Variants in NUDT6 observed in about 807,000 individuals in gnomAD.
NUDT6 encodes the protein FAD diphosphatase NUDT6.
Under a neutral mutation model 36.8 loss-of-function variants are expected in NUDT6, and 24 were observed. The observed-to-expected ratio is 0.65, with a 90% CI of 0.47 to 0.92. The LOEUF (loss-of-function observed/expected upper bound fraction) is 0.92. Ranked by LOEUF, NUDT6 falls within the 40% of genes least tolerant of loss-of-function variation. The pLI is 0.00. For synonymous variants in NUDT6, 163 were observed against 157.0 expected (o/e 1.04, Z -0.29); for missense variants, 388 against 392.8 (o/e 0.99, Z 0.10).
At chr4:122,894,068 C>G (rs1727274654) in intron 4 of NUDT6, 1 of 152,228 alleles carries the variant, frequency 6.6e-6, no homozygotes, top group Non-Finnish European at 1.5e-5. Flanking sequence ...AAACATGTCT[C>G]AATTCCCATG....
chr4:122,902,894 G>C (rs894346407), intron 3 of NUDT6, among the ~76,000 whole-genome samples: 1 of 152,142 alleles, frequency 6.6e-6, no homozygotes, highest in Admixed American at 6.5e-5. Context: ...AAAAACACTT[G>C]ACATTAATGC....
At chr4:122,897,566 T>C in intron 4 of NUDT6, 58 bp downstream of exon 4, 1 of 1,209,658 alleles carries the variant, frequency 8.3e-7, no homozygotes, top group Non-Finnish European at 1.2e-6. Context: ...AGCAAGAAAG[T>C]AAACACATTA....
chr4:122,909,734 A>T (rs1412605183), intron 3 of NUDT6, among the ~76,000 whole-genome samples: 2 of 152,152 alleles, frequency 1.3e-5, no homozygotes, highest in East Asian at 3.8e-4. Context: ...AGGGTTAATT[A>T]CTCAACAGTC....
chr4:122,917,834 A>T, intron 1 of NUDT6, 130 bp from the exon 2 acceptor site: 1 of 712,326 alleles, frequency 1.4e-6, no homozygotes, highest in Non-Finnish European at 2.3e-6. Flanking sequence ...TGTCTTGTTC[A>T]CATCGCTGGC....
At chr4:122,894,941 C>G (rs186613784) in intron 4 of NUDT6, 10 of 152,278 alleles carry the variant, frequency 6.6e-5, no homozygotes, top group African/African-American at 1.9e-4. Flanking sequence ...AGCTCATGAT[C>G]TATGCTGTTT....
At chr4:122,894,783 TTTA>T (rs1415098272) in intron 4 of NUDT6, 2 of 152,218 alleles carry the variant, frequency 1.3e-5, no homozygotes, top group Non-Finnish European at 2.9e-5. Context: ...TGTTATTAAA[TTTA>T]TTATTAAAGA....
intron 3 of NUDT6, among the ~76,000 whole-genome samples, chr4:122,900,817 T>C (rs569220164): frequency 6.6e-6 from 1 of 152,218 alleles, no homozygotes; most frequent in Non-Finnish European, 1.5e-5. Context: ...GTGCCAAATG[T>C]CTTTGTATCT....
intron 1 of NUDT6, chr4:122,919,020 C>T (rs986323781): frequency 5.9e-5 from 9 of 152,190 alleles, no homozygotes; most frequent in African/African-American, 2.2e-4. Flanking sequence ...AAAAGCAATG[C>T]TATTTGCTTG....
intron 2 of NUDT6, among the ~76,000 whole-genome samples, chr4:122,917,258 T>C (rs1224143649): frequency 3.3e-5 from 5 of 152,236 alleles, no homozygotes. Context: ...AGTTAAACTT[T>C]ATCATAAATA....
At position 122,922,404 on chromosome 4, in the gene NUDT6, A is replaced by G. The variant is rs1195961197; in HGVS notation, c.169T>C (p.Ser57Pro). 2 of 1,610,554 alleles carry G rather than the reference A, an allele frequency of 1.2e-6. No homozygotes were observed. The part of the protein sequence containing the change: ...QGELDRFGGI[S>P]VRLARLDALD... ...GCATCGAGCCGCGCCAGGCGCACCGAGATGCCCCCGAATCTGTCCAGCTCG... is the reference window on the plus strand; with the variant it reads ...GCATCGAGCCGCGCCAGGCGCACCGGGATGCCCCCGAATCTGTCCAGCTCG... The change falls in exon 1 of 5, where the codon TCG becomes CCG. Residue 57 changes from serine to proline, a missense_variant. By Grantham distance (74) the Ser-to-Pro change is moderately conservative. Transcript: ENST00000304430.
At chr4:122,920,494 T>C (rs1245000211) in intron 1 of NUDT6, 1 of 152,258 alleles carries the variant, frequency 6.6e-6, no homozygotes, top group East Asian at 1.9e-4. Context: ...AGTTTCATCT[T>C]TGATCAACGC....
chr4:122,919,049 CTG>C (rs1395320337), intron 1 of NUDT6: 1 of 152,256 alleles, frequency 6.6e-6, no homozygotes, highest in Non-Finnish European at 1.5e-5. Flanking sequence ...TATCTACACT[CTG>C]TGTCTTGGAG....
At chr4:122,910,044 T>G (rs1319215743) in intron 3 of NUDT6, among the ~76,000 whole-genome samples, 1 of 149,842 alleles carries the variant, frequency 6.7e-6, no homozygotes, top group Admixed American at 6.7e-5. Context: ...CTAAGATGAA[T>G]AAAACTAGAG....
At position 122,922,514 on chromosome 4, in the gene NUDT6, G is replaced by T. The variant is rs201756886; in HGVS notation, c.59C>A (p.Pro20His). 1.2e-6 allele frequency: 2 copies of T among 1,608,820 alleles called. No homozygotes were observed. Among genetic ancestry groups the T allele is most frequent in the Non-Finnish European group, 8.5e-7 (1 of 1,179,470 alleles). Residue 20 changes from proline (P) to histidine (H), a missense_variant, in exon 1 of 5, where the codon CCC (proline) becomes CAC (histidine). Physicochemically the swap from Pro to His is moderately conservative, Grantham distance 77 (BLOSUM62 -2). Coordinates refer to ENST00000304430, the MANE Select transcript of NUDT6 (RefSeq NM_007083.5). ...CCAGCGGTAACCCGCCGAAGGCCCGGGGCCGTAGGTTCGGGCAAGCATCGC... is the reference window on the plus strand; with the variant it reads ...CCAGCGGTAACCCGCCGAAGGCCCGTGGCCGTAGGTTCGGGCAAGCATCGC... ...WRAMLARTYG[P>H]GPSAGYRWAS... is the part of the protein sequence containing the mutation.
Position 122,893,023 on chromosome 4 carries a change from A to C in NUDT6, c.756T>G (p.Asn252Lys), listed in dbSNP as rs1727233392. Residue 252 changes from asparagine (N) to lysine (K), a missense_variant, in exon 5 of 5, where the codon AAT becomes AAG. Physicochemically the swap from Asn to Lys is moderately conservative, Grantham distance 94 (BLOSUM62 0). Coordinates refer to ENST00000304430, the MANE Select transcript of NUDT6 (RefSeq NM_007083.5). ...TTGTATTTTCAGTCTTCGCCAGGTC[A>C]TTGAGATCCATCCACTCACATCTTA... ...ECLRCEWMDL[N>K]DLAKTENTTP... The C allele has an allele frequency of 1.2e-6, 2 of 1,614,158 alleles. No homozygotes were observed. Among genetic ancestry groups the C allele is most frequent in the Admixed American group, 1.7e-5 (1 of 60,012 alleles).
At position 122,912,636 on chromosome 4, in the gene NUDT6, A is replaced by G. The variant is rs763387961; in HGVS notation, c.443-13T>C. 6.8e-7 allele frequency: 1 copy of G among 1,479,840 alleles called. No homozygotes were observed. The allele number at this position is 1,479,840 out of a possible 1,614,324, so 91.7% of individuals were successfully genotyped here. A position where few individuals can be genotyped will look rare whatever the true frequency, so the allele number is the denominator to read the frequency against. ...TCAAATACAGCTCCTATTAGGGGAA[A>G]AAGAAAAGATAATTGAGAAATATTA... On this transcript the variant is annotated splice_polypyrimidine_tract_variant and intron_variant, in intron 2 of 4. Transcript: ENST00000304430.
chr4:122,899,760 T>G (rs1727473095), intron 3 of NUDT6, among the ~76,000 whole-genome samples: 2 of 152,178 alleles, frequency 1.3e-5, no homozygotes, highest in Admixed American at 1.3e-4. Flanking sequence ...AGTTCAAGGC[T>G]GCAGTGAGTT....
chr4:122,913,876 T>C (rs1031574136), intron 2 of NUDT6, among the ~76,000 whole-genome samples: 3 of 145,828 alleles, frequency 2.1e-5, no homozygotes, highest in African/African-American at 7.3e-5. Flanking sequence ...ATTTAAACAT[T>C]ACTTGTATTT....
At chr4:122,912,942 G>A (rs1386274433) in intron 2 of NUDT6, among the ~76,000 whole-genome samples, 1 of 152,176 alleles carries the variant, frequency 6.6e-6, no homozygotes, top group Non-Finnish European at 1.5e-5. Context: ...ATAATATTGT[G>A]CATGAAAACA....
Sources: allele counts gnomAD v4.1 joint callset (sites outside exome capture counted in the v4.1 genomes callset), GRCh38; gene constraint gnomAD v4.1.1; transcripts MANE v1.5; gene names NCBI Gene and HGNC (gene_info 2026-07-23, HGNC 2026-07-21).